GLRA2: variants seen among roughly 807,000 people sequenced by gnomAD.
The protein encoded by GLRA2 is glycine receptor alpha 2.
In GLRA2, 11 loss-of-function variants were observed where a neutral mutation model predicts 31.6. The ratio of observed to expected loss-of-function variants is 0.35; its 90% CI spans 0.22 to 0.58. The LOEUF is 0.58. Among genes scored for constraint, GLRA2 ranks in the 20% least tolerant of loss-of-function variants. GLRA2 has a pLI of 0.84. For missense variants in GLRA2, 212 were observed against 351.8 expected, an observed-to-expected ratio of 0.60 and a Z score of 3.18; for synonymous variants, 132 against 134.0, an observed-to-expected ratio of 0.99 and a Z score of 0.10.
the GLRA2 span, among the ~76,000 whole-genome samples, chrX:14,494,191 G>A: frequency 6.3e-5 from 7 of 111,643 alleles, no homozygotes; most frequent in Non-Finnish European, 1.1e-4. Flanking sequence ...TGACTGGAAG[G>A]GAAAGATAAA....
the GLRA2 span, among the ~76,000 whole-genome samples, chrX:14,464,588 G>T: frequency 9.0e-6 from 1 of 111,485 alleles, no homozygotes; most frequent in Non-Finnish European, 1.9e-5. Flanking sequence ...ACGAAGTCTC[G>T]CTCTGTCACC....
Position 14,599,183 on chromosome X carries a change from C to T in GLRA2, c.495-5132C>T, listed in dbSNP as rs1440981652. Among the ~76,000 whole-genome samples the T allele has an allele frequency of 2.7e-5, 3 of 112,728 alleles. No homozygotes were observed. In the East Asian group the frequency reaches 8.4e-4, roughly 32 times the overall value. On this transcript the variant is annotated intron_variant, in intron 4 of 8. Coordinates refer to ENST00000218075, the MANE Select transcript of GLRA2 (RefSeq NM_002063.4). Reference sequence around the variant, plus strand: ...ACTTCTTCCCTTGTGCAAACAGGAGCAGGGGTGCCCTGAATGCACAGTGGA... The same window carrying T: ...ACTTCTTCCCTTGTGCAAACAGGAGTAGGGGTGCCCTGAATGCACAGTGGA...
At position 14,637,628 on chromosome X, in the gene GLRA2, C is replaced by A. The variant is rs6630754; in HGVS notation, c.930+28423C>A. Among the ~76,000 whole-genome samples, 13 of 111,840 alleles carry A rather than the reference C, an allele frequency of 1.2e-4. No individual in the cohort carries two copies. The East Asian group carries it at 2.5e-3, about 22-fold the overall frequency. On this transcript the variant is annotated intron_variant, in intron 7 of 8. Coordinates refer to ENST00000218075, the MANE Select transcript of GLRA2 (RefSeq NM_002063.4). ...GGCTAATTATAGGCTTTGCATATCC[C>A]ATTTAGTGTGAATATTCATACTGTT...
At chrX:14,489,906 T>A in the GLRA2 span, among the ~76,000 whole-genome samples, 2 of 111,503 alleles carry the variant, frequency 1.8e-5, no homozygotes, top group East Asian at 5.6e-4. Flanking sequence ...GTGATTATTT[T>A]TTTTCTTTTT....
At chrX:14,489,007 A>G in the GLRA2 span, among the ~76,000 whole-genome samples, 4 of 112,030 alleles carry the variant, frequency 3.6e-5, no homozygotes, top group South Asian at 3.7e-4. Context: ...TAAGTGCTGT[A>G]CAAAAGATAC....
chrX:14,507,836 G>A, the GLRA2 span, among the ~76,000 whole-genome samples: 1 of 106,357 alleles, frequency 9.4e-6, no homozygotes, highest in Non-Finnish European at 1.9e-5. Context: ...TGGGATTATA[G>A]GCACGTGCCA....
At chrX:14,649,207 C>T (rs1431549743) in intron 7 of GLRA2, among the ~76,000 whole-genome samples, 1 of 107,763 alleles carries the variant, frequency 9.3e-6, no homozygotes, top group Non-Finnish European at 1.9e-5. Flanking sequence ...AGTGAGACTC[C>T]GTTTTTTAAA....
intron 2 of GLRA2, among the ~76,000 whole-genome samples, chrX:14,560,677 C>G (rs1222538686): frequency 9.4e-6 from 1 of 106,853 alleles, no homozygotes; most frequent in East Asian, 3.0e-4. Flanking sequence ...ATTAGCTGGG[C>G]GTGGTGGTGC....
chrX:14,469,261 A>T, the GLRA2 span, among the ~76,000 whole-genome samples: 1 of 111,872 alleles, frequency 8.9e-6, no homozygotes, highest in Non-Finnish European at 1.9e-5. Flanking sequence ...CCTGACTGGT[A>T]ATGCCTAGGT....
At chrX:14,499,673 GA>G in the GLRA2 span, among the ~76,000 whole-genome samples, 1 of 110,813 alleles carries the variant, frequency 9.0e-6, no homozygotes, top group Non-Finnish European at 1.9e-5. Context: ...ATAAAGATGG[GA>G]ACTATAGACA....
chrX:14,613,350 A>G (rs1249293396), intron 7 of GLRA2, among the ~76,000 whole-genome samples: 2 of 111,888 alleles, frequency 1.8e-5, no homozygotes, highest in Admixed American at 1.9e-4. Context: ...TTGTACTGTC[A>G]ATGAGATTAA....
intron 2 of GLRA2, among the ~76,000 whole-genome samples, chrX:14,557,700 C>T (rs551243900): frequency 1.8e-5 from 2 of 111,329 alleles, no homozygotes; most frequent in South Asian, 7.6e-4. Context: ...TGTTTAGACA[C>T]ATTTCTGATT....
chrX:14,571,120 T>C (rs1165314790), intron 2 of GLRA2, among the ~76,000 whole-genome samples: 1 of 111,645 alleles, frequency 9.0e-6, no homozygotes. Context: ...GGAATGATAG[T>C]GCCATGAAAA....
At chrX:14,590,356 C>T (rs1331819136) in intron 4 of GLRA2, among the ~76,000 whole-genome samples, 1 of 111,312 alleles carries the variant, frequency 9.0e-6, no homozygotes, top group African/African-American at 3.3e-5. Context: ...CGATGTTCCT[C>T]CAAACAATCT....
chrX:14,581,057 G>T, intron 3 of GLRA2, 126 bp from the exon 4 acceptor site: 1 of 489,482 alleles, frequency 2.0e-6, no homozygotes, highest in Non-Finnish European at 3.6e-6. Context: ...TTTGACCAAG[G>T]TATACACAGT....
the GLRA2 span, among the ~76,000 whole-genome samples, chrX:14,507,986 G>A: frequency 9.0e-6 from 1 of 110,749 alleles, no homozygotes; most frequent in Non-Finnish European, 1.9e-5. Context: ...GAGCCACTGC[G>A]AGACATTCTT....
intron 4 of GLRA2, among the ~76,000 whole-genome samples, chrX:14,585,306 C>T (rs976274941): frequency 2.7e-5 from 3 of 111,465 alleles, no homozygotes; most frequent in Non-Finnish European, 5.6e-5. Flanking sequence ...GGTCTTTCCC[C>T]TGGAATGACT....
At chrX:14,503,199 A>G in the GLRA2 span, among the ~76,000 whole-genome samples, 2 of 111,630 alleles carry the variant, frequency 1.8e-5, no homozygotes, top group Non-Finnish European at 3.8e-5. Context: ...ACACTACAGA[A>G]CAAGGCAGTT....
intron 2 of GLRA2, among the ~76,000 whole-genome samples, chrX:14,554,663 T>C (rs1039897409): frequency 1.2e-4 from 13 of 111,750 alleles, no homozygotes; most frequent in South Asian, 7.5e-4. Context: ...AATTAATACA[T>C]GTTAAAGATT....
Sources: gnomAD v4.1 joint callset for allele counts (sites outside exome capture counted in the v4.1 genomes callset) on GRCh38, gnomAD v4.1.1 for gene constraint, MANE v1.5 for transcripts, NCBI Gene and HGNC (gene_info 2026-07-23, HGNC 2026-07-21) for gene names.